The following TTC23 variants were observed in gnomAD, a reference collection of about 807,000 sequenced individuals.
The protein encoded by TTC23 is tetratricopeptide repeat domain 23.
TTC23 carries 58 observed loss-of-function variants against 55.1 expected under a neutral mutation model. The ratio of observed to expected loss-of-function variants is 1.05; its 90% CI spans 0.85 to 1.31. The LOEUF is 1.31. Ranked by LOEUF, TTC23 falls within the 50% of genes most tolerant of loss-of-function variation. The pLI is 0.00. For missense variants in TTC23, 516 were observed against 534.4 expected, an observed-to-expected ratio of 0.97 and a Z score of 0.34; for synonymous variants, 203 against 199.9, an observed-to-expected ratio of 1.02 and a Z score of -0.13.
chr15:99,238,706 A>G (rs1395301741), intron 3 of TTC23, among the ~76,000 whole-genome samples: 1 of 152,238 alleles, frequency 6.6e-6, no homozygotes, highest in East Asian at 1.9e-4. Flanking sequence ...ACATTAACGT[A>G]CATGCCATTG....
At chr15:99,147,545 A>C (rs1056869635) in intron 12 of TTC23, among the ~76,000 whole-genome samples, 7 of 152,144 alleles carry the variant, frequency 4.6e-5, no homozygotes, top group Non-Finnish European at 1.0e-4. Flanking sequence ...TTCTTAACCA[A>C]AATAAGAATG....
chr15:99,189,125 T>G (rs777637545), intron 9 of TTC23, among the ~76,000 whole-genome samples: 3 of 152,134 alleles, frequency 2.0e-5, no homozygotes, highest in Non-Finnish European at 4.4e-5. Flanking sequence ...ACATAAAATG[T>G]ATTATTATAC....
At chr15:99,139,661 T>G in intron 12 of TTC23, 2 of 1,431,252 alleles carry the variant, frequency 1.4e-6, no homozygotes, top group Non-Finnish European at 1.9e-6. Context: ...AAAAGTAGTA[T>G]TTTTAAAAAT....
At chr15:99,147,633 TTGAAGAG>T (rs2069106854) in intron 12 of TTC23, among the ~76,000 whole-genome samples, 1 of 152,242 alleles carries the variant, frequency 6.6e-6, no homozygotes, top group African/African-American at 2.4e-5. Context: ...TCACGAGTGC[TTGAAGAG>T]TCTTTAAGCA....
chr15:99,215,452 G>T (rs2077400507), intron 8 of TTC23, among the ~76,000 whole-genome samples: 2 of 152,220 alleles, frequency 1.3e-5, no homozygotes, highest in East Asian at 1.9e-4. Context: ...AGAATAAAAA[G>T]AAGATAACAA....
intron 4 of TTC23, among the ~76,000 whole-genome samples, chr15:99,229,142 CAT>C (rs74654479): frequency 5.5e-5 from 8 of 145,046 alleles, no homozygotes; most frequent in Admixed American, 2.8e-4. Context: ...TTTGCATGTA[CAT>C]ATATATATAT....
rs1555512697 is a variant in TTC23 at position 99,187,468 on chromosome 15, AC to A, written c.760-12314del. 2.7e-3 allele frequency among the ~76,000 whole-genome samples: 395 copies of A among 145,936 alleles called. 31 individuals carry two copies. The highest frequency in any genetic ancestry group is 7.3e-3 in the Middle Eastern group (2 of 274). On this transcript the variant is annotated intron_variant, in intron 9 of 13. Transcript: ENST00000394132. ...AAGCACAAGCAAAAAAAAAAAAAAA[AC>A]AAAACAAAAGAAACCCAACATAGAC...
intron 9 of TTC23, among the ~76,000 whole-genome samples, chr15:99,197,140 A>T (rs1313750301): frequency 3.3e-5 from 5 of 151,360 alleles, no homozygotes; most frequent in Admixed American, 6.6e-5. Context: ...TCACGCTCCA[A>T]CGCCCAGGCT....
intron 9 of TTC23, among the ~76,000 whole-genome samples, chr15:99,188,640 G>GT (rs2074954753): frequency 6.6e-6 from 1 of 151,932 alleles, no homozygotes; most frequent in Admixed American, 6.6e-5. Context: ...ATGGTGAAAT[G>GT]ACAGGAATAT....
In TTC23 at chr15:99,221,875, G is replaced by A; in HGVS notation, c.181-11C>T. 1 of 1,613,164 alleles carries A rather than the reference G, an allele frequency of 6.2e-7. No individual in the cohort carries two copies. Among genetic ancestry groups the A allele is most frequent in the East Asian group, 2.2e-5 (1 of 44,858 alleles). On this transcript the variant is annotated splice_polypyrimidine_tract_variant and intron_variant, in intron 5 of 13. Transcript: ENST00000394132. ...GACGGCCTGTTTGTACTGTTAGGAAGAGAAAACAGGCTTACCAGTTATACA... is the reference window on the plus strand; with the variant it reads ...GACGGCCTGTTTGTACTGTTAGGAAAAGAAAACAGGCTTACCAGTTATACA...
At chr15:99,244,953 G>C (rs1303571688) in intron 2 of TTC23, among the ~76,000 whole-genome samples, 2 of 152,152 alleles carry the variant, frequency 1.3e-5, no homozygotes, top group Non-Finnish European at 2.9e-5. Flanking sequence ...ATAAGTTCTA[G>C]AGATATACAG....
chr15:99,218,875 A>G (rs374117965), intron 7 of TTC23, 23 bp downstream of exon 7: 32 of 1,604,420 alleles, frequency 2.0e-5, no homozygotes, highest in Admixed American at 3.4e-5. Flanking sequence ...TTCTATTTGT[A>G]AAAGTTAGAG....
At chr15:99,162,922 C>A (rs1447452607) in intron 10 of TTC23, among the ~76,000 whole-genome samples, 3 of 146,082 alleles carry the variant, frequency 2.1e-5, no homozygotes, top group Non-Finnish European at 4.5e-5. Context: ...TAAACAATAC[C>A]AAAAAAAAAA....
chr15:99,212,478 C>T (rs1383290385), intron 8 of TTC23, among the ~76,000 whole-genome samples: 1 of 152,276 alleles, frequency 6.6e-6, no homozygotes. Flanking sequence ...GATTTGGATT[C>T]ACTCTCCAAA....
At chr15:99,145,136 G>C (rs900546221) in intron 12 of TTC23, 1 of 152,188 alleles carries the variant, frequency 6.6e-6, no homozygotes, top group African/African-American at 2.4e-5. Context: ...GTAGTGGGTG[G>C]TTTTTCTGAG....
At chr15:99,183,497 A>ATTTTTTTTTT (rs56660145) in intron 9 of TTC23, among the ~76,000 whole-genome samples, 5 of 100,850 alleles carry the variant, frequency 5.0e-5, no homozygotes, top group Non-Finnish European at 7.8e-5. Flanking sequence ...GATTTTTTGT[A>ATTTTTTTTTT]TTTTTTTTTT....
chr15:99,161,865 C>T lies in TTC23; in HGVS notation c.868G>A (p.Val290Ile). ...VASGRHEHHD[V>I]AEQYFQESMA... ...CTCTCTTGAAAATACTGCTCAGCTACATCTGAAGAAAAGCATTTATCATAA... is the reference window on the plus strand; with the variant it reads ...CTCTCTTGAAAATACTGCTCAGCTATATCTGAAGAAAAGCATTTATCATAA... Residue 290 changes from valine (V) to isoleucine (I), a missense_variant and splice_region_variant, in exon 11 of 14, where the codon GTA becomes ATA. Val to Ile is a conservative substitution (Grantham distance 29, BLOSUM62 3). Coordinates refer to ENST00000394132, the MANE Select transcript of TTC23 (RefSeq NM_001288615.3). 1 of 1,593,992 alleles carries T rather than the reference C, an allele frequency of 6.3e-7. No homozygotes were observed. The highest frequency in any genetic ancestry group is 8.5e-7 in the Non-Finnish European group (1 of 1,174,552).
In TTC23 at chr15:99,235,356, CA is replaced by C. The variant is rs1481793520; in HGVS notation, c.-113-277del. 1.2e-4 allele frequency among the ~76,000 whole-genome samples: 10 copies of C among 84,204 alleles called. No homozygotes were observed. In the South Asian group the frequency reaches 1.9e-3, roughly 16 times the overall value. The allele number at this position is 84,204 out of a possible 152,430, so 55.2% of individuals were successfully genotyped here. A position where few individuals can be genotyped will look rare whatever the true frequency, so the allele number is the denominator to read the frequency against. The stretch of plus-strand genomic sequence containing the variant: ...CCTTTCTTCATGTGGACATTTTAAG[CA>C]TTTTTTTTTTTTTTTGGTTTGTTTT... On this transcript the variant is annotated intron_variant, in intron 3 of 13. Coordinates refer to ENST00000394132, the MANE Select transcript of TTC23 (RefSeq NM_001288615.3).
intron 10 of TTC23, among the ~76,000 whole-genome samples, chr15:99,163,544 T>C (rs2071665241): frequency 6.6e-6 from 1 of 152,168 alleles, no homozygotes; most frequent in South Asian, 2.1e-4. Flanking sequence ...AGGTAATAAA[T>C]GGGTGAGTAA....
Sources: allele counts gnomAD v4.1 joint callset (sites outside exome capture counted in the v4.1 genomes callset), GRCh38; gene constraint gnomAD v4.1.1; transcripts MANE v1.5; gene names NCBI Gene and HGNC (gene_info 2026-07-23, HGNC 2026-07-21).